AGMO: variants seen among roughly 807,000 people sequenced by gnomAD.
AGMO encodes glyceryl-ether monooxygenase.
A neutral mutation model predicts 60.2 loss-of-function variants in AGMO; 75 were observed. That is an observed-to-expected ratio of 1.25 (90% CI 1.03 to 1.51). The LOEUF (loss-of-function observed/expected upper bound fraction) is 1.51, where lower values mean the gene tolerates loss of function less well. AGMO is among the 40% of genes most tolerant of loss of function. The pLI is 0.00. For missense variants in AGMO, 763 were observed against 525.5 expected, an observed-to-expected ratio of 1.45 and a Z score of -4.42; for synonymous variants, 261 against 177.1, an observed-to-expected ratio of 1.47 and a Z score of -3.76.
chr7:15,535,307 T>C (rs1480571026), intron 3 of AGMO, among the ~76,000 whole-genome samples: 2 of 151,960 alleles, frequency 1.3e-5, no homozygotes, highest in African/African-American at 2.4e-5. Flanking sequence ...AAATAAGTTA[T>C]TCCTATTTTT....
At chr7:15,394,534 A>G (rs1784292692) in intron 5 of AGMO, among the ~76,000 whole-genome samples, 2 of 152,166 alleles carry the variant, frequency 1.3e-5, no homozygotes, top group Non-Finnish European at 2.9e-5. Context: ...ATATCTACAT[A>G]ATAACGTTGT....
chr7:15,252,975 C>A (rs576560604), intron 12 of AGMO, among the ~76,000 whole-genome samples: 1 of 152,176 alleles, frequency 6.6e-6, no homozygotes, highest in African/African-American at 2.4e-5. Context: ...AAATTGAGAA[C>A]CCCTAGATTC....
At chr7:15,359,848 T>C (rs777672212) in intron 12 of AGMO, among the ~76,000 whole-genome samples, 2 of 152,216 alleles carry the variant, frequency 1.3e-5, no homozygotes, top group African/African-American at 2.4e-5. Flanking sequence ...TTCCATATGA[T>C]AGTGTATTTG....
At chr7:15,395,461 C>G (rs1186103324) in intron 5 of AGMO, among the ~76,000 whole-genome samples, 7 of 151,842 alleles carry the variant, frequency 4.6e-5, no homozygotes, top group Non-Finnish European at 1.0e-4. Context: ...TTATAATAAA[C>G]AGGGTATTAA....
Position 15,322,700 on chromosome 7 carries a change from G to GTATA in AGMO, c.1263+42810_1263+42813dup, listed in dbSNP as rs1379934881. Among the ~76,000 whole-genome samples the GTATA allele has an allele frequency of 2.0e-4, 8 of 40,310 alleles. 1 individual carries two copies. Among genetic ancestry groups the GTATA allele is most frequent in the African/African-American group, 1.5e-3 (8 of 5,210 alleles). The allele number at this position is 40,310 out of a possible 152,430, so 26.4% of individuals were successfully genotyped here. On this transcript the variant is annotated intron_variant, in intron 12 of 12. Transcript: ENST00000342526. Reference sequence around the variant, plus strand: ...TATGTATATATAAATATATGAATATGTATAAATATATATAAATATATAAAT... The same window carrying GTATA: ...TATGTATATATAAATATATGAATATGTATATATAAATATATATAAATATATAAAT...
At chr7:15,540,884 A>G (rs1281425393) in intron 3 of AGMO, among the ~76,000 whole-genome samples, 3 of 152,184 alleles carry the variant, frequency 2.0e-5, no homozygotes, top group Non-Finnish European at 4.4e-5. Flanking sequence ...TAAGTGTACA[A>G]CCAACTCAAT....
intron 12 of AGMO, among the ~76,000 whole-genome samples, chr7:15,229,785 T>G (rs904285711): frequency 4.0e-5 from 6 of 148,598 alleles, no homozygotes; most frequent in Non-Finnish European, 7.4e-5. Context: ...TAGATCAAAG[T>G]ATTTGTGTGC....
chr7:15,524,333 G>T (rs973650318), intron 3 of AGMO, among the ~76,000 whole-genome samples: 1 of 151,944 alleles, frequency 6.6e-6, no homozygotes, highest in Admixed American at 6.6e-5. Context: ...TTAAAATCAT[G>T]ATTTTATAAC....
intron 3 of AGMO, among the ~76,000 whole-genome samples, chr7:15,529,749 T>TATAGAATATATA (rs1443104025): frequency 1.8e-5 from 2 of 112,014 alleles, no homozygotes; most frequent in African/African-American, 7.4e-5. Flanking sequence ...TATATATATA[T>TATAGAATATATA]TTCTATATAT....
At chr7:15,198,248 A>AGAGAGAGAGG, downstream of AGMO, among the ~76,000 whole-genome samples, 1 of 82,290 alleles carries the variant, frequency 1.2e-5, no homozygotes, top group East Asian at 2.7e-4. Flanking sequence ...AGAGAGAGAG[A>AGAGAGAGAGG]GAGAGAGACA....
At chr7:15,333,608 A>G (rs1781564645) in intron 12 of AGMO, among the ~76,000 whole-genome samples, 2 of 151,198 alleles carry the variant, frequency 1.3e-5, no homozygotes, top group South Asian at 4.1e-4. Flanking sequence ...AATTTAAAAA[A>G]AAAAAAAAAA....
the AGMO span, among the ~76,000 whole-genome samples, chr7:15,129,225 C>T: frequency 8.3e-5 from 12 of 143,852 alleles, no homozygotes; most frequent in African/African-American, 2.9e-4. Flanking sequence ...AGTTGTTGCT[C>T]GGTTTCCAGG....
chr7:15,470,199 A>G (rs1782413249), intron 3 of AGMO, among the ~76,000 whole-genome samples: 2 of 152,046 alleles, frequency 1.3e-5, no homozygotes, highest in Admixed American at 6.6e-5. Flanking sequence ...ATAAAATAAT[A>G]TCTGGAAATA....
chr7:15,295,645 T>G (rs1784387775), intron 12 of AGMO, among the ~76,000 whole-genome samples: 1 of 152,084 alleles, frequency 6.6e-6, no homozygotes, highest in South Asian at 2.1e-4. Flanking sequence ...TAATGAAAGT[T>G]AATGGGCAAC....
chr7:15,557,942 A>C (rs1025087546), intron 2 of AGMO, among the ~76,000 whole-genome samples: 5 of 151,914 alleles, frequency 3.3e-5, no homozygotes, highest in African/African-American at 1.2e-4. Context: ...GGTGAAGGAA[A>C]AGAACCTCAT....
At chr7:15,500,806 C>A (rs1335745888) in intron 3 of AGMO, among the ~76,000 whole-genome samples, 1 of 151,846 alleles carries the variant, frequency 6.6e-6, no homozygotes. Context: ...ATCTTTCCAA[C>A]TTTTAGATGT....
chr7:15,189,833 A>G, the AGMO span, among the ~76,000 whole-genome samples: 1 of 149,980 alleles, frequency 6.7e-6, no homozygotes, highest in African/African-American at 2.5e-5. Flanking sequence ...AATGTAAACT[A>G]TCAGCTTAAA....
At chr7:15,161,710 T>A in the AGMO span, among the ~76,000 whole-genome samples, 2 of 151,568 alleles carry the variant, frequency 1.3e-5, no homozygotes, top group Non-Finnish European at 2.9e-5. Context: ...TGTGTATACA[T>A]ACACACACAT....
At chr7:15,273,383 G>C (rs1418028244) in intron 12 of AGMO, among the ~76,000 whole-genome samples, 1 of 152,108 alleles carries the variant, frequency 6.6e-6, no homozygotes, top group Middle Eastern at 3.2e-3. Context: ...ATTAAATAGA[G>C]AATCCTTTCC....
Sources: gnomAD v4.1 joint callset for allele counts (sites outside exome capture counted in the v4.1 genomes callset) on GRCh38, gnomAD v4.1.1 for gene constraint, MANE v1.5 for transcripts, NCBI Gene and HGNC (gene_info 2026-07-23, HGNC 2026-07-21) for gene names.